METTL15: variants seen among roughly 807,000 people sequenced by gnomAD.
METTL15 encodes the protein 12S rRNA N(4)-cytidine methyltransferase METTL15.
A neutral mutation model predicts 38.3 loss-of-function variants in METTL15; 34 were observed. The observed-to-expected ratio is 0.89, with a 90% CI of 0.68 to 1.18. The LOEUF (loss-of-function observed/expected upper bound fraction) is 1.18, where lower values mean the gene tolerates loss of function less well. METTL15 is among the 50% of genes most tolerant of loss of function. The pLI is 0.00. For synonymous variants in METTL15, 162 were observed against 170.9 expected, an observed-to-expected ratio of 0.95 and a Z score of 0.41; for missense variants, 438 against 498.4, an observed-to-expected ratio of 0.88 and a Z score of 1.15.
chr11:28,297,831 A>G (rs2134003893), intron 6 of METTL15, among the ~76,000 whole-genome samples: 1 of 152,230 alleles, frequency 6.6e-6, no homozygotes, highest in East Asian at 1.9e-4. Context: ...TTTTTAAAAA[A>G]GGAATATTTG....
intron 4 of METTL15, among the ~76,000 whole-genome samples, chr11:28,222,043 A>T (rs917431623): frequency 4.6e-5 from 7 of 152,164 alleles, no homozygotes; most frequent in African/African-American, 1.7e-4. Flanking sequence ...TCAGATCTCA[A>T]GCTGCATGCT....
At chr11:28,375,047 G>A (rs1241555600) in intron 5 of METTL15, among the ~76,000 whole-genome samples, 3 of 150,406 alleles carry the variant, frequency 2.0e-5, no homozygotes, top group African/African-American at 2.4e-5. Context: ...GCTTTTTGAT[G>A]TGCTGCTGGA....
intron 6 of METTL15, among the ~76,000 whole-genome samples, chr11:28,437,491 C>T (rs946348827): frequency 1.3e-5 from 2 of 152,242 alleles, no homozygotes; most frequent in African/African-American, 4.8e-5. Flanking sequence ...ATGTTTTTCT[C>T]CTCAGTTTTT....
rs11602708 is a variant in METTL15, at chr11:28,351,110, T to A, written c.*190-980T>A. On this transcript the variant is annotated intron_variant and NMD_transcript_variant, in intron 3 of 7. Coordinates refer to the METTL15 transcript ENST00000532947. ...GATAGACTGCTTAAAGCTATGAATT[T>A]AAAAAAAATTTTTTTTTTTTAAGAT... Among the ~76,000 whole-genome samples, 139 of 35,250 alleles carry A rather than the reference T, an allele frequency of 3.9e-3. 1 individual carries two copies. The highest frequency in any genetic ancestry group is 0.014 in the African/African-American group (122 of 8,960). 23.1% of individuals were successfully genotyped at this position (35,250 alleles called of 152,430 possible). A position where few individuals can be genotyped will look rare whatever the true frequency, so the allele number is the denominator to read the frequency against.
intron 3 of METTL15, among the ~76,000 whole-genome samples, chr11:28,208,460 C>G (rs1459862543): frequency 6.6e-6 from 1 of 152,102 alleles, no homozygotes; most frequent in Non-Finnish European, 1.5e-5. Flanking sequence ...TTTGATTGCA[C>G]TGTGGTCCGA....
intron 3 of METTL15, among the ~76,000 whole-genome samples, chr11:28,207,512 A>G (rs1415416714): frequency 1.3e-5 from 2 of 152,124 alleles, no homozygotes; most frequent in Admixed American, 1.3e-4. Context: ...TGGGCTTGCC[A>G]GTATTTTATT....
chr11:28,259,083 G>C (rs1366375235), intron 4 of METTL15, among the ~76,000 whole-genome samples: 1 of 152,010 alleles, frequency 6.6e-6, no homozygotes, highest in Non-Finnish European at 1.5e-5. Context: ...TGGCTCTCCA[G>C]TTAACAGGTA....
At chr11:28,204,168 T>TG (rs1456956468) in intron 3 of METTL15, among the ~76,000 whole-genome samples, 1 of 152,052 alleles carries the variant, frequency 6.6e-6, no homozygotes, top group Non-Finnish European at 1.5e-5. Flanking sequence ...GAGGTAAAGT[T>TG]GGGGGATTGT....
intron 5 of METTL15, among the ~76,000 whole-genome samples, chr11:28,412,630 C>A (rs7111039): frequency 3.3e-5 from 5 of 151,764 alleles, no homozygotes; most frequent in African/African-American, 4.8e-5. Flanking sequence ...TAAAATAAAC[C>A]AAACGCAGAA....
At chr11:28,487,272 A>G (rs34906813) in intron 6 of METTL15, among the ~76,000 whole-genome samples, 22,983 of 152,160 alleles carry the variant, frequency 0.15, 2,183 homozygotes, top group Non-Finnish European at 0.21. Flanking sequence ...CTCAGCCTTT[A>G]TAATTGTGAA....
At chr11:28,401,530 T>C (rs1291607886) in intron 5 of METTL15, among the ~76,000 whole-genome samples, 4 of 151,996 alleles carry the variant, frequency 2.6e-5, no homozygotes, top group African/African-American at 7.2e-5. Context: ...TTCTGTCTCA[T>C]GTATTTAACT....
At chr11:28,163,683 T>A (rs2133747855) in intron 3 of METTL15, 1 of 381,584 alleles carries the variant, frequency 2.6e-6, no homozygotes, top group Non-Finnish European at 4.6e-6. Context: ...GCTTATACCC[T>A]GAGAACTTAA....
intron 4 of METTL15, among the ~76,000 whole-genome samples, chr11:28,255,639 A>G (rs1264423188): frequency 6.6e-6 from 1 of 152,166 alleles, no homozygotes; most frequent in East Asian, 1.9e-4. Flanking sequence ...CCAGTTTTTT[A>G]AAGAGTTTTT....
intron 4 of METTL15, among the ~76,000 whole-genome samples, chr11:28,262,808 T>C (rs1464492919): frequency 1.3e-5 from 2 of 152,174 alleles, no homozygotes; most frequent in Non-Finnish European, 2.9e-5. Flanking sequence ...CTTTTCTTGC[T>C]ATTGTGGCTT....
chr11:28,438,677 T>TC (rs1851005388), intron 6 of METTL15, among the ~76,000 whole-genome samples: 1 of 143,858 alleles, frequency 7.0e-6, no homozygotes, highest in African/African-American at 2.6e-5. Flanking sequence ...TTTTTCTTTT[T>TC]TTTTTTTTTT....
chr11:28,394,846 T>G (rs1001818827), intron 5 of METTL15, among the ~76,000 whole-genome samples: 1 of 152,110 alleles, frequency 6.6e-6, no homozygotes, highest in Admixed American at 6.6e-5. Context: ...CATGTGTTAC[T>G]TACCTTTATT....
intron 5 of METTL15, among the ~76,000 whole-genome samples, chr11:28,380,024 T>C (rs1015307580): frequency 1.3e-5 from 2 of 152,194 alleles, no homozygotes; most frequent in South Asian, 2.1e-4. Context: ...ATGTAGCTAT[T>C]CCTGCTCTTT....
chr11:28,432,380 C>T (rs946142477), intron 6 of METTL15, among the ~76,000 whole-genome samples: 1 of 152,132 alleles, frequency 6.6e-6, no homozygotes, highest in Non-Finnish European at 1.5e-5. Context: ...TCAACTAAGT[C>T]TACTTATGTA....
At chr11:28,513,779 C>T (rs763557062) in intron 6 of METTL15, among the ~76,000 whole-genome samples, 8 of 152,196 alleles carry the variant, frequency 5.3e-5, no homozygotes, top group Non-Finnish European at 7.3e-5. Flanking sequence ...AGGAACATGC[C>T]CTTAAGGCAC....
Sources: gnomAD v4.1 joint callset for allele counts (sites outside exome capture counted in the v4.1 genomes callset) on GRCh38, gnomAD v4.1.1 for gene constraint, MANE v1.5 for transcripts, NCBI Gene and HGNC (gene_info 2026-07-23, HGNC 2026-07-21) for gene names.